PGM2L1: variants seen among roughly 807,000 people sequenced by gnomAD.
The protein encoded by PGM2L1 is glucose 1,6-bisphosphate synthase.
In PGM2L1, 35 loss-of-function variants were observed where a neutral mutation model predicts 73.4. That is an observed-to-expected ratio of 0.48 (90% confidence interval 0.36 to 0.63). PGM2L1 has a LOEUF of 0.63. Ranked by LOEUF, PGM2L1 falls within the 30% of genes least tolerant of loss-of-function variation. The pLI is 0.00. For missense variants in PGM2L1, 570 were observed against 742.0 expected (o/e 0.77, Z 2.69); for synonymous variants, 225 against 253.8 (o/e 0.89, Z 1.08).
At chr11:74,339,460 A>G (rs1025020007) in intron 12 of PGM2L1, among the ~76,000 whole-genome samples, 2 of 152,180 alleles carry the variant, frequency 1.3e-5, no homozygotes, top group African/African-American at 4.8e-5. Flanking sequence ...GTCCTGAGCC[A>G]TGAGTCCTGT....
At position 74,394,080 on chromosome 11, in the gene PGM2L1, C is replaced by T. The variant is rs1170957800; in HGVS notation, c.111+3971G>A. ...CTGTTCGCTGCCTGGAGGAGAAATG[C>T]CTTGATCTAGGACTTGTTGGGTTCT... is the stretch of plus-strand genomic sequence containing the variant. On this transcript the variant is annotated intron_variant, in intron 1 of 13. Transcript: ENST00000298198. 4.6e-5 allele frequency among the ~76,000 whole-genome samples: 7 copies of T among 151,976 alleles called. 1 individual carries two copies.
intron 1 of PGM2L1, among the ~76,000 whole-genome samples, chr11:74,391,148 A>C (rs1365604885): frequency 6.6e-6 from 1 of 150,804 alleles, no homozygotes; most frequent in African/African-American, 2.4e-5. Context: ...TGGGTCCTTC[A>C]TTCTTTCCTT....
intron 1 of PGM2L1, among the ~76,000 whole-genome samples, chr11:74,387,504 CA>C (rs756409465): frequency 6.6e-6 from 1 of 152,132 alleles, no homozygotes; most frequent in Non-Finnish European, 1.5e-5. Context: ...ACCATAGTAG[CA>C]CAATACATAC....
At chr11:74,358,236 C>A (rs1031424106) in intron 5 of PGM2L1, among the ~76,000 whole-genome samples, 1 of 152,156 alleles carries the variant, frequency 6.6e-6, no homozygotes, top group East Asian at 1.9e-4. Flanking sequence ...GTTGTTAACA[C>A]ATATGTGGGG....
At chr11:74,343,767 A>ATT (rs1862219748) in intron 9 of PGM2L1, among the ~76,000 whole-genome samples, 1 of 119,322 alleles carries the variant, frequency 8.4e-6, no homozygotes, top group African/African-American at 3.5e-5. Context: ...GCTTTACATT[A>ATT]TCTTTTTTTT....
At chr11:74,363,576 G>C (rs1349609017) in intron 5 of PGM2L1, among the ~76,000 whole-genome samples, 1 of 152,202 alleles carries the variant, frequency 6.6e-6, no homozygotes, top group African/African-American at 2.4e-5. Context: ...ACTACCATCA[G>C]AGAATACTAT....
intron 5 of PGM2L1, among the ~76,000 whole-genome samples, chr11:74,362,454 G>C (rs1374774878): frequency 6.6e-6 from 1 of 152,204 alleles, no homozygotes; most frequent in Non-Finnish European, 1.5e-5. Flanking sequence ...AAATTGTAAA[G>C]ACTATTAATG....
chr11:74,368,434 T>C, intron 5 of PGM2L1, 58 bp downstream of exon 5: 2 of 1,429,582 alleles, frequency 1.4e-6, no homozygotes, highest in East Asian at 2.3e-5. Flanking sequence ...CAACACATAT[T>C]ATTTGAATAA....
rs552759511 is a variant in PGM2L1, at chr11:74,331,263, C to CGTTT, written c.*5388_*5389insAAAC. 1 of 128,062 alleles carries CGTTT rather than the reference C, an allele frequency of 7.8e-6. No homozygotes were observed. The allele number at this position is 128,062 out of a possible 1,614,324, so 7.9% of individuals were successfully genotyped here. A position where few individuals can be genotyped will look rare whatever the true frequency, so the allele number is the denominator to read the frequency against. On this transcript the variant is annotated 3_prime_UTR_variant, in exon 14 of 14. Transcript: ENST00000298198. ...CTGGATATGTTCTATGTTTATATAT[C>CGTTT]TTTTTTTTTTTTTTTTGAGATGGAG...
intron 1 of PGM2L1, among the ~76,000 whole-genome samples, chr11:74,375,967 G>T (rs1263529404): frequency 1.3e-5 from 2 of 152,158 alleles, no homozygotes; most frequent in Non-Finnish European, 2.9e-5. Flanking sequence ...TTAAAGATGG[G>T]CATAAGAATG....
intron 1 of PGM2L1, among the ~76,000 whole-genome samples, chr11:74,377,248 C>CCT (rs1339226513): frequency 6.6e-6 from 1 of 151,894 alleles, no homozygotes; most frequent in East Asian, 1.9e-4. Flanking sequence ...CATTCTCCTG[C>CCT]CTCAGCCTCC....
At chr11:74,376,984 A>C (rs1862863713) in intron 1 of PGM2L1, among the ~76,000 whole-genome samples, 1 of 152,124 alleles carries the variant, frequency 6.6e-6, no homozygotes, top group Non-Finnish European at 1.5e-5. Flanking sequence ...TAACCTAAAA[A>C]ACTATCTATG....
intron 5 of PGM2L1, among the ~76,000 whole-genome samples, chr11:74,360,114 C>A (rs1862532266): frequency 6.6e-6 from 1 of 152,002 alleles, no homozygotes; most frequent in African/African-American, 2.4e-5. Context: ...ATGGCTCATG[C>A]CTGTGGTTGG....
At chr11:74,370,104 C>T (rs528800486) in intron 4 of PGM2L1, among the ~76,000 whole-genome samples, 9 of 152,196 alleles carry the variant, frequency 5.9e-5, no homozygotes, top group Non-Finnish European at 1.0e-4. Context: ...TGTTTCTTAA[C>T]GTTTTAAATT....
chr11:74,372,311 T>C (rs765760220), intron 2 of PGM2L1, among the ~76,000 whole-genome samples: 1 of 152,208 alleles, frequency 6.6e-6, no homozygotes, highest in Admixed American at 6.5e-5. Flanking sequence ...CACTAGAACA[T>C]TTCTTATGAT....
At chr11:74,356,252 G>A (rs940454330) in intron 5 of PGM2L1, among the ~76,000 whole-genome samples, 2 of 151,930 alleles carry the variant, frequency 1.3e-5, no homozygotes, top group African/African-American at 4.8e-5. Context: ...ATTGTGACCT[G>A]AACTTCACCA....
In PGM2L1 at chr11:74,333,633, A is replaced by G. The variant is rs1480480995; in HGVS notation, c.*3019T>C. 2.0e-5 allele frequency: 3 copies of G among 152,220 alleles called. No homozygotes were observed. Among genetic ancestry groups the G allele is most frequent in the Non-Finnish European group, 2.9e-5 (2 of 68,044 alleles). The allele number at this position is 152,220 out of a possible 1,614,324, so 9.4% of individuals were successfully genotyped here. On this transcript the variant is annotated 3_prime_UTR_variant, in exon 14 of 14. Transcript: ENST00000298198. ...CATTTTAGTGATCACAATAAAGGAA[A>G]ATGGTAGGTGCATACTCATCATAAC...
intron 9 of PGM2L1, among the ~76,000 whole-genome samples, chr11:74,345,232 T>C (rs1862243965): frequency 6.6e-6 from 1 of 152,186 alleles, no homozygotes; most frequent in Non-Finnish European, 1.5e-5. Flanking sequence ...GAATAATAAG[T>C]ATTAATGTAA....
chr11:74,341,524 T>G (rs1862181416), intron 12 of PGM2L1, among the ~76,000 whole-genome samples: 1 of 152,048 alleles, frequency 6.6e-6, no homozygotes, highest in African/African-American at 2.4e-5. Context: ...AAACTCTGTC[T>G]CTACTAAAAA....
Sources: allele counts gnomAD v4.1 joint callset (sites outside exome capture counted in the v4.1 genomes callset), GRCh38; gene constraint gnomAD v4.1.1; transcripts MANE v1.5; gene names NCBI Gene and HGNC (gene_info 2026-07-23, HGNC 2026-07-21).